The following AGAP1 variants were observed in gnomAD, a reference collection of about 807,000 sequenced individuals.
The protein encoded by AGAP1 is ArfGAP with GTPase domain, ankyrin repeat and PH domain 1.
A neutral mutation model predicts 105.3 loss-of-function variants in AGAP1; 29 were observed. The observed-to-expected ratio is 0.28, with a 90% CI of 0.21 to 0.38. The LOEUF (loss-of-function observed/expected upper bound fraction) is 0.38, where lower values mean the gene tolerates loss of function less well. Among genes scored for constraint, AGAP1 ranks in the 10% least tolerant of loss-of-function variants. The pLI is 1.00. For missense variants in AGAP1, 998 were observed against 1,165.1 expected, an observed-to-expected ratio of 0.86 and a Z score of 2.09; for synonymous variants, 509 against 485.9, an observed-to-expected ratio of 1.05 and a Z score of -0.63.
At chr2:236,099,589 G>A (rs1421381222) in intron 16 of AGAP1, among the ~76,000 whole-genome samples, 4 of 152,126 alleles carry the variant, frequency 2.6e-5, no homozygotes, top group Non-Finnish European at 5.9e-5. Flanking sequence ...CATCAGAATT[G>A]CCCTACAGAT....
chr2:235,899,517 A>T (rs952796001), intron 10 of AGAP1, among the ~76,000 whole-genome samples: 4 of 152,156 alleles, frequency 2.6e-5, no homozygotes, highest in Non-Finnish European at 4.4e-5. Flanking sequence ...GTGTCTTAAA[A>T]ATATATATAT....
At chr2:235,520,320 G>A (rs1942567041) in intron 1 of AGAP1, among the ~76,000 whole-genome samples, 1 of 152,198 alleles carries the variant, frequency 6.6e-6, no homozygotes, top group Non-Finnish European at 1.5e-5. Flanking sequence ...AATACTGTGT[G>A]CACGTTGCAG....
chr2:235,917,670 C>T (rs1314052572), intron 11 of AGAP1, among the ~76,000 whole-genome samples: 2 of 152,098 alleles, frequency 1.3e-5, no homozygotes, highest in Non-Finnish European at 2.9e-5. Context: ...GAGGCACCGG[C>T]GGCTCTGTTG....
chr2:235,743,130 G>C (rs913486544), intron 4 of AGAP1, among the ~76,000 whole-genome samples: 1 of 152,208 alleles, frequency 6.6e-6, no homozygotes, highest in African/African-American at 2.4e-5. Context: ...TCTCACCACT[G>C]CACTCCAGCC....
intron 9 of AGAP1, among the ~76,000 whole-genome samples, chr2:235,819,904 CTTTTTTTTT>C (rs1179307250): frequency 7.7e-6 from 1 of 130,272 alleles, no homozygotes; most frequent in African/African-American, 2.8e-5. Flanking sequence ...TTCTTTCTTT[CTTTTTTTTT>C]TTTTTTTGAG....
At chr2:235,755,122 C>T (rs779489348) in intron 6 of AGAP1, among the ~76,000 whole-genome samples, 12 of 152,114 alleles carry the variant, frequency 7.9e-5, no homozygotes, top group South Asian at 4.1e-4. Flanking sequence ...GCTGGATGTG[C>T]GGACTTGGCA....
chr2:235,916,481 G>C (rs6431411), intron 11 of AGAP1, among the ~76,000 whole-genome samples: 4 of 152,030 alleles, frequency 2.6e-5, no homozygotes, highest in African/African-American at 9.7e-5. Flanking sequence ...AGTTGTATTA[G>C]CTTCCACAGT....
rs983315385 is a variant in AGAP1 at position 236,001,690 on chromosome 2, C to CTTTTG, written c.1645+33076_1645+33080dup. 7.9e-5 allele frequency among the ~76,000 whole-genome samples: 12 copies of CTTTTG among 152,236 alleles called. No homozygotes were observed. Among genetic ancestry groups the CTTTTG allele is most frequent in the African/African-American group, 2.9e-4 (12 of 41,544 alleles). On this transcript the variant is annotated intron_variant, in intron 13 of 17. Coordinates refer to ENST00000304032, the MANE Select transcript of AGAP1 (RefSeq NM_001037131.3). This position sits in a 1 kb window ranked among gnomAD's most constrained non-coding sequence, Gnocchi z 4.7. ...CATCCTGGAGGGGCGGGGATTTCCC[C>CTTTTG]TTTTGTTTTGTTTCTGTATAAGATC...
At chr2:236,103,345 G>T (rs953483003) in intron 16 of AGAP1, among the ~76,000 whole-genome samples, 4 of 152,096 alleles carry the variant, frequency 2.6e-5, no homozygotes, top group Admixed American at 6.5e-5. Flanking sequence ...CCCAGTTTGG[G>T]GCATGTTAGC....
rs1952295690 is a variant in AGAP1 at position 235,737,026 on chromosome 2, A to C, written c.311-3937A>C. Among the ~76,000 whole-genome samples the C allele has an allele frequency of 6.6e-6, 1 of 152,144 alleles. No homozygotes were observed. Among genetic ancestry groups the C allele is most frequent in the Admixed American group, 6.5e-5 (1 of 15,290 alleles). ...TGGTTAAAGTGGTTCAAGTGTAGAAAATGAATTTTAAAGTGTTACCTACCT... is the reference window on the plus strand; with the variant it reads ...TGGTTAAAGTGGTTCAAGTGTAGAACATGAATTTTAAAGTGTTACCTACCT... On this transcript the variant is annotated intron_variant, in intron 3 of 17. Coordinates refer to ENST00000304032, the MANE Select transcript of AGAP1 (RefSeq NM_001037131.3). This position sits in a 1 kb window ranked among gnomAD's most constrained non-coding sequence, Gnocchi z 4.5.
intron 13 of AGAP1, among the ~76,000 whole-genome samples, chr2:236,006,126 G>A (rs987975695): frequency 1.3e-5 from 2 of 150,862 alleles, no homozygotes; most frequent in Middle Eastern, 3.4e-3. Flanking sequence ...TTGTATTCTA[G>A]GCTGCTATCC....
intron 3 of AGAP1, among the ~76,000 whole-genome samples, chr2:235,738,430 C>T (rs550115058): frequency 2.0e-5 from 3 of 152,152 alleles, no homozygotes; most frequent in South Asian, 2.1e-4. Context: ...AGGGAGGGCT[C>T]GGCAGGGATT....
At chr2:236,111,683 T>C (rs1482703670) in intron 16 of AGAP1, among the ~76,000 whole-genome samples, 3 of 151,724 alleles carry the variant, frequency 2.0e-5, no homozygotes, top group African/African-American at 7.3e-5. Flanking sequence ...TCCAAGCTAC[T>C]TGGGAGGCTG....
chr2:236,049,056 T>C lies in AGAP1; in HGVS notation c.1892-3T>C. The C allele has an allele frequency of 1.9e-6, 3 of 1,612,984 alleles. No homozygotes were observed. Among genetic ancestry groups the C allele is most frequent in the Admixed American group, 1.7e-5 (1 of 59,992 alleles). On this transcript the variant is annotated splice_polypyrimidine_tract_variant and splice_region_variant and intron_variant, in intron 15 of 17. Transcript: ENST00000304032. ...GTTTAGCGTTCTGTTCCTCTTCCCG[T>C]AGATCCCAACTGGGCCAGTTTGAAC...
At chr2:235,510,826 AAGG>A (rs931632885) in intron 1 of AGAP1, among the ~76,000 whole-genome samples, 2 of 151,884 alleles carry the variant, frequency 1.3e-5, no homozygotes, top group African/African-American at 4.8e-5. Flanking sequence ...TGAGGAGGGA[AAGG>A]AGAAGCCTCA....
Position 235,981,450 on chromosome 2 carries a change from T to TACACAC in AGAP1, c.1645+12846_1645+12851dup, listed in dbSNP as rs10639320. Among the ~76,000 whole-genome samples, 31 of 149,274 alleles carry TACACAC rather than the reference T, an allele frequency of 2.1e-4. No individual in the cohort carries two copies. In the South Asian group the frequency reaches 3.0e-3, roughly 14 times the overall value. Reference sequence around the variant, plus strand: ...AATTTCTAAGTTCATGTTCCATGCGTACACACACACACACACACACACACG... The same window carrying TACACAC: ...AATTTCTAAGTTCATGTTCCATGCGTACACACACACACACACACACACACACACACG... On this transcript the variant is annotated intron_variant, in intron 13 of 17. Coordinates refer to ENST00000304032, the MANE Select transcript of AGAP1 (RefSeq NM_001037131.3). This position sits in a 1 kb window ranked among gnomAD's most constrained non-coding sequence, Gnocchi z 5.5.
intron 16 of AGAP1, 81 bp downstream of exon 16, chr2:236,049,362 G>C (rs3738989): frequency 1.6e-6 from 2 of 1,288,836 alleles, no homozygotes; most frequent in Admixed American, 4.0e-5. Context: ...TGACAGCCAC[G>C]GTTGGGAAGG....
At position 236,128,087 on chromosome 2, in the gene AGAP1, C is replaced by CA. The variant is rs1553585926; in HGVS notation, c.*3966dup. ...GGCACGTTTGCCAACCCCCCCCCCC[C>CA]AGTAGAGCCCAGGACCCTCCTCTCT... On this transcript the variant is annotated 3_prime_UTR_variant, in exon 18 of 18. Coordinates refer to ENST00000304032, the MANE Select transcript of AGAP1 (RefSeq NM_001037131.3). The surrounding 1 kb of genome is among the most constrained non-coding windows in gnomAD (Gnocchi z 5.9). 3.3e-5 allele frequency: 5 copies of CA among 150,480 alleles called. No individual in the cohort carries two copies. Among genetic ancestry groups the CA allele is most frequent in the Non-Finnish European group, 5.9e-5 (4 of 67,360 alleles). The allele number at this position is 150,480 out of a possible 1,614,324, so 9.3% of individuals were successfully genotyped here.
At chr2:235,894,379 A>G (rs1466620387) in intron 10 of AGAP1, among the ~76,000 whole-genome samples, 1 of 152,178 alleles carries the variant, frequency 6.6e-6, no homozygotes, top group Non-Finnish European at 1.5e-5. Flanking sequence ...GCCAGAGTCC[A>G]GCTTTCCGTG....
Sources: allele counts gnomAD v4.1 joint callset (sites outside exome capture counted in the v4.1 genomes callset), GRCh38; gene constraint gnomAD v4.1.1; non-coding constraint Gnocchi (gnomAD v3.1); transcripts MANE v1.5; gene names NCBI Gene and HGNC (gene_info 2026-07-23, HGNC 2026-07-21).